Variants in PDE1C observed in about 807,000 individuals in gnomAD.
The protein encoded by PDE1C is phosphodiesterase 1C.
A neutral mutation model predicts 93.1 loss-of-function variants in PDE1C; 62 were observed. The ratio of observed to expected loss-of-function variants is 0.67; its 90% CI spans 0.54 to 0.82. The LOEUF is 0.82. Among genes scored for constraint, PDE1C ranks in the 40% least tolerant of loss-of-function variants. PDE1C has a pLI of 0.00. For synonymous variants in PDE1C, 325 were observed against 310.1 expected, an observed-to-expected ratio of 1.05 and a Z score of -0.50; for missense variants, 742 against 884.6, an observed-to-expected ratio of 0.84 and a Z score of 2.04.
chr7:31,622,860 G>A, the PDE1C span, among the ~76,000 whole-genome samples: 1 of 152,040 alleles, frequency 6.6e-6, no homozygotes, highest in Non-Finnish European at 1.5e-5. Flanking sequence ...TAGACCGCTA[G>A]CAAGACTAAT....
the PDE1C span, among the ~76,000 whole-genome samples, chr7:31,665,293 G>A: frequency 2.8e-4 from 42 of 152,140 alleles, no homozygotes; most frequent in Admixed American, 7.9e-4. Flanking sequence ...TATCCAAAAC[G>A]AGGCTCTTCC....
intron 1 of PDE1C, among the ~76,000 whole-genome samples, chr7:32,212,969 G>T (rs1806161010): frequency 3.3e-5 from 5 of 152,140 alleles, no homozygotes; most frequent in African/African-American, 9.7e-5. Flanking sequence ...GGTGGGTGCT[G>T]GTCTGGGGAT....
chr7:31,663,365 G>A, the PDE1C span, among the ~76,000 whole-genome samples: 1 of 152,158 alleles, frequency 6.6e-6, no homozygotes, highest in African/African-American at 2.4e-5. Context: ...CATGTCAGGA[G>A]TAGGACTGTG....
intron 1 of PDE1C, among the ~76,000 whole-genome samples, chr7:32,308,670 A>C (rs1365125485): frequency 6.6e-6 from 1 of 152,280 alleles, no homozygotes; most frequent in Non-Finnish European, 1.5e-5. Flanking sequence ...AAACTCCAAC[A>C]GACCTGCAGC....
chr7:31,896,842 A>G lies in PDE1C; in HGVS notation c.129-15982T>C, dbSNP rs181717460. Among the ~76,000 whole-genome samples, 5 of 152,074 alleles carry G rather than the reference A, an allele frequency of 3.3e-5. No homozygotes were observed. The East Asian group carries it at 9.7e-4, about 29-fold the overall frequency. On this transcript the variant is annotated intron_variant, in intron 2 of 17. Transcript: ENST00000396191. ...ATTAAGCTACCTTGTCATGGTGTTA[A>G]TTGTCTTAATAATTAAACGACCTTG...
intron 3 of PDE1C, among the ~76,000 whole-genome samples, chr7:32,083,348 A>G (rs1796842068): frequency 6.6e-6 from 1 of 151,878 alleles, no homozygotes; most frequent in Non-Finnish European, 1.5e-5. Flanking sequence ...ATATGGGACT[A>G]TGTGAAAAGA....
At position 31,878,916 on chromosome 7, in the gene PDE1C, T is replaced by C. The variant is rs184960431; in HGVS notation, c.425+80A>G. On this transcript the variant is annotated intron_variant, in intron 4 of 17. Transcript: ENST00000396191. ...TATTTATAAAGATAGGAAAACTACA[T>C]TAAAGCAAAGCTTCCAGTTATTGGA... 2.1e-6 allele frequency: 3 copies of C among 1,400,374 alleles called. No homozygotes were observed. In the Admixed American group the frequency reaches 5.7e-5, roughly 27 times the overall value. The allele number at this position is 1,400,374 out of a possible 1,614,324, so 86.7% of individuals were successfully genotyped here. A position where few individuals can be genotyped will look rare whatever the true frequency, so the allele number is the denominator to read the frequency against.
chr7:31,857,790 C>T (rs1794204649), intron 7 of PDE1C, among the ~76,000 whole-genome samples: 1 of 152,116 alleles, frequency 6.6e-6, no homozygotes, highest in South Asian at 2.1e-4. Flanking sequence ...AGCATATTCC[C>T]CATCAGTTAA....
At chr7:32,395,578 C>G (rs888667883) in intron 1 of PDE1C, among the ~76,000 whole-genome samples, 5 of 152,156 alleles carry the variant, frequency 3.3e-5, no homozygotes, top group Non-Finnish European at 5.9e-5. Context: ...TATCAGCAAG[C>G]TGGGAAGTGA....
Position 31,815,978 on chromosome 7 carries a change from G to T in PDE1C, c.1759C>A (p.Pro587Thr). Reference protein sequence around the residue: ...NGTRANKSDNPRGKNSKAEKS... With the variant: ...NGTRANKSDNTRGKNSKAEKS... ...TCGGCTTTGGAGTTTTTCCCACGAG[G>T]GTTGTCACTTTTGTTTGCCCGTGTT... Residue 587 changes from proline (P) to threonine (T), a missense_variant, in exon 15 of 18, where the codon CCT becomes ACT. Pro to Thr is a conservative substitution (Grantham distance 38). Coordinates refer to ENST00000396191, the MANE Select transcript of PDE1C (RefSeq NM_001191057.4). 6.2e-7 allele frequency: 1 copy of T among 1,613,944 alleles called. No individual in the cohort carries two copies. Among genetic ancestry groups the T allele is most frequent in the African/African-American group, 1.3e-5 (1 of 75,014 alleles).
At chr7:32,191,541 A>AT (rs552581266) in intron 2 of PDE1C, among the ~76,000 whole-genome samples, 7,133 of 152,248 alleles carry the variant, frequency 0.047, 204 homozygotes, top group African/African-American at 0.078. Context: ...AGAGTCATCC[A>AT]GGTTGTTGCA....
chr7:31,685,466 T>C, the PDE1C span, among the ~76,000 whole-genome samples: 1 of 152,186 alleles, frequency 6.6e-6, no homozygotes. Context: ...TGTAGATCTA[T>C]TACCTCAAAA....
At chr7:32,211,334 T>C (rs1806011610) in intron 1 of PDE1C, among the ~76,000 whole-genome samples, 1 of 152,252 alleles carries the variant, frequency 6.6e-6, no homozygotes, top group Admixed American at 6.5e-5. Context: ...TCTTGCTGTC[T>C]TCTAAAATGT....
chr7:32,280,559 C>G (rs981497857), intron 1 of PDE1C, among the ~76,000 whole-genome samples: 6 of 152,138 alleles, frequency 3.9e-5, no homozygotes, highest in African/African-American at 1.4e-4. Context: ...GAAACATACT[C>G]TATTTTTCAG....
chr7:31,962,406 A>G (rs1263085692), intron 2 of PDE1C, among the ~76,000 whole-genome samples: 1 of 152,252 alleles, frequency 6.6e-6, no homozygotes. Flanking sequence ...ATCAGGACAG[A>G]AAACAGAGTC....
intron 2 of PDE1C, among the ~76,000 whole-genome samples, chr7:31,982,825 T>G (rs1812573035): frequency 6.6e-6 from 1 of 152,116 alleles, no homozygotes; most frequent in South Asian, 2.1e-4. Flanking sequence ...AAGAAACAAT[T>G]CATAAGATAT....
At chr7:31,667,626 C>T in the PDE1C span, among the ~76,000 whole-genome samples, 19 of 125,192 alleles carry the variant, frequency 1.5e-4, no homozygotes, top group African/African-American at 5.7e-4. Context: ...TATGAATAGA[C>T]AAGTAAACAA....
intron 3 of PDE1C, among the ~76,000 whole-genome samples, chr7:32,152,732 G>A (rs1801332952): frequency 6.6e-6 from 1 of 152,138 alleles, no homozygotes. Flanking sequence ...TAAATGTCCA[G>A]CAATAGTGAT....
intron 9 of PDE1C, among the ~76,000 whole-genome samples, chr7:31,847,325 A>G (rs1292014911): frequency 1.3e-5 from 2 of 152,190 alleles, no homozygotes; most frequent in Non-Finnish European, 2.9e-5. Flanking sequence ...GTCCATATTC[A>G]AAACACAGGT....
Sources: allele counts gnomAD v4.1 joint callset (sites outside exome capture counted in the v4.1 genomes callset), GRCh38; gene constraint gnomAD v4.1.1; transcripts MANE v1.5; gene names NCBI Gene and HGNC (gene_info 2026-07-23, HGNC 2026-07-21).